The following ESRRB variants were observed in gnomAD, a reference collection of about 807,000 sequenced individuals.
ESRRB encodes steroid hormone receptor ERR2.
Under a neutral mutation model 46.0 loss-of-function variants are expected in ESRRB, and 16 were observed. That is an observed-to-expected ratio of 0.35 (90% CI 0.24 to 0.53). ESRRB has a LOEUF of 0.53. ESRRB is among the 20% of genes least tolerant of loss of function. The pLI is 0.93. For missense variants in ESRRB, 488 were observed against 607.4 expected (o/e 0.80, Z 2.07); for synonymous variants, 246 against 259.6 (o/e 0.95, Z 0.50).
intron 2 of ESRRB, among the ~76,000 whole-genome samples, chr14:76,459,579 G>C (rs746982518): frequency 3.3e-5 from 5 of 152,056 alleles, no homozygotes; most frequent in Non-Finnish European, 5.9e-5. Context: ...GGTGGGAACG[G>C]GCCAAATCCT....
intron 2 of ESRRB, among the ~76,000 whole-genome samples, chr14:76,451,032 A>C (rs1042267647): frequency 1.3e-5 from 2 of 152,238 alleles, no homozygotes; most frequent in Non-Finnish European, 2.9e-5. Flanking sequence ...TAGGTGACAC[A>C]TAGAGTCCAG....
intron 1 of ESRRB, among the ~76,000 whole-genome samples, chr14:76,348,817 G>C (rs189691448): frequency 6.6e-6 from 1 of 152,176 alleles, no homozygotes; most frequent in Non-Finnish European, 1.5e-5. Flanking sequence ...GATATACCCC[G>C]TGTTGATGCA....
chr14:76,476,099 T>G (rs1030450197), intron 3 of ESRRB, among the ~76,000 whole-genome samples: 5 of 151,820 alleles, frequency 3.3e-5, no homozygotes, highest in African/African-American at 1.2e-4. Context: ...TTTTTTTAGA[T>G]GGAGTCTCAC....
At chr14:76,462,041 G>C (rs1159519483) in intron 2 of ESRRB, among the ~76,000 whole-genome samples, 3 of 152,208 alleles carry the variant, frequency 2.0e-5, no homozygotes, top group African/African-American at 7.2e-5. Flanking sequence ...GGTTAGCAAA[G>C]CCAGGTGGCC....
intron 3 of ESRRB, among the ~76,000 whole-genome samples, chr14:76,469,346 C>T (rs1889260991): frequency 2.0e-5 from 3 of 152,242 alleles, no homozygotes; most frequent in Admixed American, 6.5e-5. Context: ...CTGCCCGCCT[C>T]AGCCTCCCCA....
At chr14:76,351,225 A>C (rs1047416376) in intron 1 of ESRRB, among the ~76,000 whole-genome samples, 15 of 152,228 alleles carry the variant, frequency 9.9e-5, no homozygotes, top group African/African-American at 3.4e-4. Context: ...TAGGGCAGCT[A>C]TACCAAAGTA....
chr14:76,357,695 T>C (rs1163342259), intron 1 of ESRRB, among the ~76,000 whole-genome samples: 1 of 152,098 alleles, frequency 6.6e-6, no homozygotes, highest in African/African-American at 2.4e-5. Context: ...ACAAACATCT[T>C]TTAGAGCTGG....
intron 2 of ESRRB, among the ~76,000 whole-genome samples, chr14:76,446,490 C>T (rs1478609653): frequency 2.6e-5 from 4 of 151,582 alleles, no homozygotes; most frequent in African/African-American, 9.7e-5. Flanking sequence ...GGCTCCAAGT[C>T]AGAAGAGATA....
In ESRRB at chr14:76,499,712, A is replaced by G. The variant is rs1029955776; in HGVS notation, c.*1254A>G. The G allele has an allele frequency of 1.1e-5, 8 of 739,592 alleles. No homozygotes were observed. Among genetic ancestry groups the G allele is most frequent in the Admixed American group, 5.9e-5 (3 of 50,450 alleles). The allele number at this position is 739,592 out of a possible 1,614,324, so 45.8% of individuals were successfully genotyped here. On this transcript the variant is annotated 3_prime_UTR_variant, in exon 7 of 7. Coordinates refer to ENST00000644823, the MANE Select transcript of ESRRB (RefSeq NM_001379180.1). ...TCCCCCTGGCTGTGCCAGGTAACCA[A>G]CCGTCTTGGTTTGTCCAGGACGTTT...
intron 3 of ESRRB, among the ~76,000 whole-genome samples, chr14:76,476,080 T>A (rs1003859702): frequency 6.6e-5 from 10 of 151,474 alleles, no homozygotes; most frequent in African/African-American, 1.7e-4. Flanking sequence ...TTTTTTTTTT[T>A]ATTAATTTTT....
intron 1 of ESRRB, among the ~76,000 whole-genome samples, chr14:76,339,671 G>C (rs1595049345): frequency 6.6e-6 from 1 of 152,174 alleles, no homozygotes; most frequent in African/African-American, 2.4e-5. Context: ...GAACAGGCCA[G>C]ACTCGCCTTG....
chr14:76,327,945 G>T (rs894090319), intron 1 of ESRRB, among the ~76,000 whole-genome samples: 1 of 151,626 alleles, frequency 6.6e-6, no homozygotes, highest in East Asian at 1.9e-4. Flanking sequence ...AACTCCTGAC[G>T]CCAGGTGATT....
At chr14:76,484,925 G>A (rs1889946409) in intron 5 of ESRRB, among the ~76,000 whole-genome samples, 2 of 152,192 alleles carry the variant, frequency 1.3e-5, no homozygotes, top group South Asian at 4.1e-4. Flanking sequence ...AGCGCGCTTA[G>A]TGTGTACACC....
intron 1 of ESRRB, among the ~76,000 whole-genome samples, chr14:76,337,888 G>A (rs138424403): frequency 1.3e-5 from 2 of 152,356 alleles, no homozygotes; most frequent in Non-Finnish European, 2.9e-5. Flanking sequence ...CTCCGGGGCT[G>A]CAGCTGTCTT....
intron 1 of ESRRB, among the ~76,000 whole-genome samples, chr14:76,328,365 G>A (rs1183684366): frequency 3.9e-5 from 6 of 152,200 alleles, no homozygotes; most frequent in Non-Finnish European, 7.3e-5. Flanking sequence ...GAGATATACT[G>A]GCTGGGAGGT....
intron 3 of ESRRB, among the ~76,000 whole-genome samples, chr14:76,479,034 G>A (rs1349578521): frequency 6.6e-6 from 1 of 152,168 alleles, no homozygotes; most frequent in Non-Finnish European, 1.5e-5. Flanking sequence ...ATGCCTTAGT[G>A]CAGTGCTCCT....
intron 1 of ESRRB, among the ~76,000 whole-genome samples, chr14:76,432,606 C>CCCAGCTAATTTTTGTATTTGTAGTAGAG (rs1555396599): frequency 4.1e-5 from 6 of 147,810 alleles, no homozygotes; most frequent in African/African-American, 1.3e-4. Flanking sequence ...CTGCCACCTA[C>CCCAGCTAATTTTTGTATTTGTAGTAGAG]AAACTTCTCA....
intron 1 of ESRRB, among the ~76,000 whole-genome samples, chr14:76,341,066 G>A (rs1884186124): frequency 6.6e-6 from 1 of 152,112 alleles, no homozygotes; most frequent in East Asian, 1.9e-4. Flanking sequence ...GTCGAGACAG[G>A]GTTTCCCCAA....
intron 2 of ESRRB, among the ~76,000 whole-genome samples, chr14:76,447,421 G>A (rs866195210): frequency 2.6e-5 from 4 of 151,592 alleles, no homozygotes; most frequent in East Asian, 1.9e-4. Context: ...CAGCTTCTGC[G>A]CCCAGCATCT....
Sources: allele counts gnomAD v4.1 joint callset (sites outside exome capture counted in the v4.1 genomes callset), GRCh38; gene constraint gnomAD v4.1.1; transcripts MANE v1.5; gene names NCBI Gene and HGNC (gene_info 2026-07-23, HGNC 2026-07-21).